The following PRR35 variants were observed in gnomAD, a reference collection of about 807,000 sequenced individuals.
PRR35 encodes proline-rich protein 35.
PRR35 carries 14 observed loss-of-function variants against 18.6 expected under a neutral mutation model. That is an observed-to-expected ratio of 0.75 (90% CI 0.50 to 1.18). PRR35 has a LOEUF of 1.18. PRR35 is among the 50% of genes most tolerant of loss of function. The pLI is 0.00. For synonymous variants in PRR35, 425 were observed against 378.2 expected (o/e 1.12, Z -1.43); for missense variants, 832 against 792.2 (o/e 1.05, Z -0.60).
intron 1 of PRR35, among the ~76,000 whole-genome samples, chr16:560,883 C>T (rs962985550): frequency 2.0e-5 from 3 of 151,096 alleles, no homozygotes; most frequent in South Asian, 2.1e-4. Context: ...CTGGGGCAGA[C>T]GCCTGACCTC....
Position 563,487 on chromosome 16 carries a change from C to T in PRR35, c.193C>T (p.Leu65=), listed in dbSNP as rs2035476090. The T allele has an allele frequency of 6.2e-7, 1 of 1,612,382 alleles. No individual in the cohort carries two copies. The highest frequency in any genetic ancestry group is 8.5e-7 in the Non-Finnish European group (1 of 1,179,572). The change falls in exon 2 of 3, where the codon CTG becomes TTG. Residue 65 remains leucine (L), a synonymous_variant. Coordinates refer to ENST00000409413, the MANE Select transcript of PRR35 (RefSeq NM_145270.3). ...GAAGTACAGCCTCTGCAAGGACTCC[C>T]TGTCCCTGCTGCTAGACTCCCCAGA... is the stretch of plus-strand genomic sequence containing the variant. ...HMKYSLCKDS[L]SLLLDSPDWA...
At position 565,329 on chromosome 16, in the gene PRR35, CTG is replaced by C; in HGVS notation, c.*24_*25del. The C allele has an allele frequency of 2.1e-6, 3 of 1,447,970 alleles. No individual in the cohort carries two copies. The highest frequency in any genetic ancestry group is 2.7e-6 in the Non-Finnish European group (3 of 1,100,010). 89.7% of individuals were successfully genotyped at this position (1,447,970 alleles called of 1,614,324 possible). The stretch of plus-strand genomic sequence containing the variant: ...CTGACCTGCAGCGCCTGAGGTCTGA[CTG>C]TCTCTGCCTGCAGCATGCCGGCCCC... On this transcript the variant is annotated 3_prime_UTR_variant, in exon 3 of 3. Transcript: ENST00000409413.
At chr16:560,763 G>A (rs868337766) in intron 1 of PRR35, 102 bp downstream of exon 1, 4 of 891,376 alleles carry the variant, frequency 4.5e-6, no homozygotes, top group African/African-American at 3.7e-5. Flanking sequence ...GGGGGGCGCG[G>A]GGGGCGGCCG....
At position 564,738 on chromosome 16, in the gene PRR35, C is replaced by A; in HGVS notation, c.1147C>A (p.Pro383Thr). ...EDGDPGGPET[P>T]GPEGPLPLQP... ...CGGGGATCCAGGCGGCCCTGAGACC[C>A]CCGGCCCTGAGGGCCCCCTCCCCCT... Residue 383 changes from proline to threonine, a missense_variant, in exon 3 of 3, where the codon CCC becomes ACC. Coordinates refer to ENST00000409413, the MANE Select transcript of PRR35 (RefSeq NM_145270.3). 4 of 1,535,084 alleles carry A rather than the reference C, an allele frequency of 2.6e-6. No individual in the cohort carries two copies. Among genetic ancestry groups the A allele is most frequent in the Non-Finnish European group, 3.5e-6 (4 of 1,146,850 alleles).
chr16:560,943 G>T lies in PRR35; in HGVS notation c.-40+282G>T, dbSNP rs934745174. On this transcript the variant is annotated intron_variant, in intron 1 of 2. Transcript: ENST00000409413. ...GGGCGCCCTGCGTTCCCGGGGGGGG[G>T]GGCAGCAGGATCTGCGGGTGGCCGA... Among the ~76,000 whole-genome samples the T allele has an allele frequency of 4.0e-5, 6 of 151,804 alleles. No individual in the cohort carries two copies. In the South Asian group the frequency reaches 8.3e-4, roughly 21 times the overall value.
chr16:562,929 C>T (rs2035463404), intron 1 of PRR35, among the ~76,000 whole-genome samples: 2 of 152,110 alleles, frequency 1.3e-5, no homozygotes. Context: ...TTCCGATAAA[C>T]AATGAACACC....
Position 565,169 on chromosome 16 carries a change from AC to A in PRR35, c.1583del (p.Pro528GlnfsTer113). 2 of 1,609,568 alleles carry A rather than the reference AC, an allele frequency of 1.2e-6. No homozygotes were observed. Among genetic ancestry groups the A allele is most frequent in the Non-Finnish European group, 1.7e-6 (2 of 1,178,626 alleles). ...TKCEADSSVP[P>X]PGLPLAAPDD... ...AGTGTGAGGCCGACTCCAGCGTCCCACCCCCAGGGCTCCCCCTCGCAGCCCC... is the reference window on the plus strand; with the variant it reads ...AGTGTGAGGCCGACTCCAGCGTCCCACCCCAGGGCTCCCCCTCGCAGCCCC... On this transcript the variant is annotated frameshift_variant, in exon 3 of 3. Coordinates refer to ENST00000409413, the MANE Select transcript of PRR35 (RefSeq NM_145270.3). LOFTEE classifies it low-confidence loss of function (END_TRUNC).
Position 565,081 on chromosome 16 carries a change from C to A in PRR35, c.1490C>A (p.Thr497Asn). 1 of 1,591,512 alleles carries A rather than the reference C, an allele frequency of 6.3e-7. No homozygotes were observed. The highest frequency in any genetic ancestry group is 8.6e-7 in the Non-Finnish European group (1 of 1,168,640). The change falls in exon 3 of 3, where the codon ACC becomes AAC. Residue 497 changes from threonine (T) to asparagine (N), a missense_variant. Coordinates refer to ENST00000409413, the MANE Select transcript of PRR35 (RefSeq NM_145270.3). The part of the protein sequence containing the change: ...PELGPVLTGG[T>N]PEPPGMLGPA... The stretch of plus-strand genomic sequence containing the variant: ...CTGGGTCCCGTGTTGACCGGGGGCA[C>A]CCCCGAGCCACCCGGCATGCTGGGC...
Position 564,772 on chromosome 16 carries a change from G to C in PRR35, c.1181G>C (p.Arg394Pro). 2 of 1,542,392 alleles carry C rather than the reference G, an allele frequency of 1.3e-6. No individual in the cohort carries two copies. The highest frequency in any genetic ancestry group is 1.7e-6 in the Non-Finnish European group (2 of 1,150,018). Residue 394 changes from arginine (R) to proline (P), a missense_variant, in exon 3 of 3, where the codon CGG (arginine) becomes CCG (proline). Physicochemically the swap from Arg to Pro is moderately radical, Grantham distance 103 (BLOSUM62 -2). Transcript: ENST00000409413. Reference sequence around the variant, plus strand: ...GAGGGCCCCCTCCCCCTGCAGCCACGGGGCCCAGTGCCAGGAAGCCCGGAG... The same window carrying C: ...GAGGGCCCCCTCCCCCTGCAGCCACCGGGCCCAGTGCCAGGAAGCCCGGAG... ...GPEGPLPLQP[R>P]GPVPGSPEHV...
chr16:564,740 C>G lies in PRR35; in HGVS notation c.1149C>G (p.Pro383=). Reference sequence around the variant, plus strand: ...GGGATCCAGGCGGCCCTGAGACCCCCGGCCCTGAGGGCCCCCTCCCCCTGC... The same window carrying G: ...GGGATCCAGGCGGCCCTGAGACCCCGGGCCCTGAGGGCCCCCTCCCCCTGC... ...EDGDPGGPET[P]GPEGPLPLQP... is the part of the protein sequence containing the mutation. Residue 383 remains proline, a synonymous_variant, in exon 3 of 3, where the codon CCC becomes CCG. Transcript: ENST00000409413. The G allele has an allele frequency of 6.5e-7, 1 of 1,535,184 alleles. No individual in the cohort carries two copies. The highest frequency in any genetic ancestry group is 2.4e-5 in the East Asian group (1 of 41,024).
At position 563,613 on chromosome 16, in the gene PRR35, C is replaced by G; in HGVS notation, c.319C>G (p.Pro107Ala). 1.3e-6 allele frequency: 2 copies of G among 1,588,144 alleles called. No homozygotes were observed. The highest frequency in any genetic ancestry group is 1.7e-6 in the Non-Finnish European group (2 of 1,172,274). The change falls in exon 2 of 3, where the codon CCC (proline) becomes GCC (alanine). Residue 107 changes from proline (P) to alanine (A), a missense_variant. Physicochemically the swap from Pro to Ala is conservative, Grantham distance 27. Transcript: ENST00000409413. ...DPGRQPQGAR[P>A]TGAAPAPDLV... Reference sequence around the variant, plus strand: ...CGGCAGGCAACCCCAGGGAGCACGGCCCACAGGTGCTGCCCCCGCGCCTGA... The same window carrying G: ...CGGCAGGCAACCCCAGGGAGCACGGGCCACAGGTGCTGCCCCCGCGCCTGA...
intron 1 of PRR35, 122 bp downstream of exon 1, chr16:560,783 C>G (rs539580080): frequency 4.7e-6 from 4 of 856,364 alleles, no homozygotes; most frequent in Admixed American, 6.2e-5. Flanking sequence ...GGGTCCCCCC[C>G]ACCCTCTTCT....
chr16:564,008 G>GGCT lies in PRR35; in HGVS notation c.716_717insTGC (p.Ala239dup), dbSNP rs772465077. The GGCT allele has an allele frequency of 6.3e-7, 1 of 1,597,496 alleles. No individual in the cohort carries two copies. The highest frequency in any genetic ancestry group is 1.1e-5 in the South Asian group (1 of 89,418). On this transcript the variant is annotated inframe_insertion, in exon 2 of 3. Transcript: ENST00000409413. The stretch of plus-strand genomic sequence containing the variant: ...CAGCCCATGTGCCCTTCCTGGCCTC[G>GGCT]GCCAGCCCCCTGCTGCCCCCGGCCA...
rs564059688 is a variant in PRR35, at chr16:565,163, C to T, written c.1572C>T (p.Ser524=). The change falls in exon 3 of 3, where the codon AGC becomes AGT. Residue 524 remains serine (S), a synonymous_variant. Coordinates refer to ENST00000409413, the MANE Select transcript of PRR35 (RefSeq NM_145270.3). The part of the protein sequence containing the change: ...GHTTKCEADS[S]VPPPGLPLAA... ...CCACCAAGTGTGAGGCCGACTCCAG[C>T]GTCCCACCCCCAGGGCTCCCCCTCG... The T allele has an allele frequency of 5.3e-5, 85 of 1,610,524 alleles. No homozygotes were observed. The highest frequency in any genetic ancestry group is 1.6e-4 in the African/African-American group (12 of 74,968).
chr16:559,851 G>T (rs2035405743), upstream of PRR35: 2 of 747,738 alleles, frequency 2.7e-6, no homozygotes, highest in Non-Finnish European at 3.3e-6. Context: ...GGAGGGCAGG[G>T]CTCGCCCAGG....
In PRR35 at chr16:564,088, A is replaced by G. The variant is rs2035488914; in HGVS notation, c.794A>G (p.Tyr265Cys). 1.9e-6 allele frequency: 3 copies of G among 1,556,326 alleles called. No homozygotes were observed. The highest frequency in any genetic ancestry group is 2.6e-6 in the Non-Finnish European group (3 of 1,159,702). Residue 265 changes from tyrosine to cysteine, a missense_variant, in exon 2 of 3, where the codon TAC becomes TGC. Tyr to Cys is a radical substitution (Grantham distance 194). Coordinates refer to ENST00000409413, the MANE Select transcript of PRR35 (RefSeq NM_145270.3). ...CGCCCCACCCCGGCCCCCCGCCTGTACTACCCGCTGCTTCTGGAGCACACT... is the reference window on the plus strand; with the variant it reads ...CGCCCCACCCCGGCCCCCCGCCTGTGCTACCCGCTGCTTCTGGAGCACACT... ...PQRPTPAPRL[Y>C]YPLLLEHTLG...
Position 564,221 on chromosome 16 carries a change from G to A in PRR35, c.927G>A (p.Leu309=). The change falls in exon 2 of 3, where the codon CTG becomes CTA. Residue 309 remains leucine, a synonymous_variant. Coordinates refer to ENST00000409413, the MANE Select transcript of PRR35 (RefSeq NM_145270.3). The part of the protein sequence containing the change: ...PGLLKVPVPG[L]GPWPRVTPRD... ...TGCTGAAGGTGCCAGTTCCAGGGCT[G>A]GGGCCCTGGCCCCGAGTCACCCCCA... is the stretch of plus-strand genomic sequence containing the variant. 4 of 1,570,466 alleles carry A rather than the reference G, an allele frequency of 2.5e-6. No homozygotes were observed. Among genetic ancestry groups the A allele is most frequent in the Non-Finnish European group, 3.4e-6 (4 of 1,164,076 alleles).
At chr16:564,606 G>C in intron 2 of PRR35, 68 bp from the exon 3 acceptor site, 1 of 1,449,994 alleles carries the variant, frequency 6.9e-7, no homozygotes, top group Non-Finnish European at 9.1e-7. Context: ...AGGCCGTGAG[G>C]GGAGAGGGGC....
intron 1 of PRR35, among the ~76,000 whole-genome samples, chr16:562,509 ATGCACACACAGGCGCACACACGTG>A (rs1555449945): frequency 0.11 from 16,412 of 151,844 alleles, 1,423 homozygotes; most frequent in East Asian, 0.24. Context: ...ACAGAGGCAC[ATGCACACACAGGCGCACACACGTG>A]TGCACACACA....
Sources: gnomAD v4.1 joint callset for allele counts (sites outside exome capture counted in the v4.1 genomes callset) on GRCh38, gnomAD v4.1.1 for gene constraint, MANE v1.5 for transcripts, NCBI Gene and HGNC (gene_info 2026-07-23, HGNC 2026-07-21) for gene names.